Variants in E2F3 observed in about 807,000 individuals in gnomAD.
The protein encoded by E2F3 is E2F transcription factor 3, also known as transcription factor E2F3.
In E2F3, 11 loss-of-function variants were observed where a neutral mutation model predicts 44.4. That is an observed-to-expected ratio of 0.25 (90% CI 0.16 to 0.41). The LOEUF (loss-of-function observed/expected upper bound fraction) is 0.41. E2F3 is among the 10% of genes least tolerant of loss of function. E2F3 has a pLI of 1.00. For synonymous variants in E2F3, 249 were observed against 253.0 expected (o/e 0.98, Z 0.15); for missense variants, 487 against 583.6 (o/e 0.83, Z 1.70).
intron 5 of E2F3, among the ~76,000 whole-genome samples, chr6:20,487,902 A>G (rs1173659357): frequency 6.6e-6 from 1 of 152,214 alleles, no homozygotes; most frequent in Non-Finnish European, 1.5e-5. Context: ...CTTTATTTAC[A>G]AAGCCACTTG....
intron 1 of E2F3, among the ~76,000 whole-genome samples, chr6:20,453,638 C>T (rs1312101828): frequency 6.6e-6 from 1 of 152,102 alleles, no homozygotes; most frequent in African/African-American, 2.4e-5. Flanking sequence ...TCTCTAACTC[C>T]TGGGCTCGGG....
At chr6:20,456,999 T>C (rs1267333636) in intron 1 of E2F3, among the ~76,000 whole-genome samples, 1 of 152,134 alleles carries the variant, frequency 6.6e-6, no homozygotes, top group African/African-American at 2.4e-5. Flanking sequence ...GTTTCCAGGC[T>C]TCGAACCAGC....
At chr6:20,403,356 G>T (rs900433694) in intron 1 of E2F3, among the ~76,000 whole-genome samples, 2,066 of 151,970 alleles carry the variant, frequency 0.014, 44 homozygotes, top group African/African-American at 0.046. Context: ...TGGCCCAAGC[G>T]CCCAGGCCTT....
At chr6:20,451,451 C>T (rs1761128174) in intron 1 of E2F3, among the ~76,000 whole-genome samples, 1 of 152,174 alleles carries the variant, frequency 6.6e-6, no homozygotes, top group East Asian at 1.9e-4. Context: ...GCTTAAGGAG[C>T]TTTTGGGCTG....
chr6:20,444,450 T>C (rs1161261623), intron 1 of E2F3, among the ~76,000 whole-genome samples: 2 of 152,192 alleles, frequency 1.3e-5, no homozygotes, highest in South Asian at 2.1e-4. Context: ...AAATGAAAGA[T>C]TTGTCTACTT....
chr6:20,450,920 C>T (rs183970660), intron 1 of E2F3, among the ~76,000 whole-genome samples: 1 of 152,086 alleles, frequency 6.6e-6, no homozygotes, highest in Non-Finnish European at 1.5e-5. Context: ...TCAGGTTTGT[C>T]GAAGATCATA....
chr6:20,487,009 G>C (rs1762415878), intron 5 of E2F3, among the ~76,000 whole-genome samples: 1 of 152,184 alleles, frequency 6.6e-6, no homozygotes, highest in Admixed American at 6.5e-5. Context: ...TGACCTAGCA[G>C]GATGTTCAGT....
intron 1 of E2F3, among the ~76,000 whole-genome samples, chr6:20,462,871 T>C (rs1761567918): frequency 2.1e-5 from 2 of 94,654 alleles, no homozygotes; most frequent in African/African-American, 4.8e-5. Flanking sequence ...TTTTTTTTTT[T>C]TTTTTTTTTT....
rs935183349 is a variant in E2F3 at position 20,404,148 on chromosome 6, G to A, written c.393+1523G>A. On this transcript the variant is annotated intron_variant, in intron 1 of 6. Transcript: ENST00000346618. ...CTCGCCAATGGCCGAGTTGAGCTCT[G>A]TTTTCTGTCTTCCTTCCCTTGTGCT... is the stretch of plus-strand genomic sequence containing the variant. 6.4e-5 allele frequency among the ~76,000 whole-genome samples: 8 copies of A among 125,672 alleles called. No homozygotes were observed. In the East Asian group the frequency reaches 2.1e-3, roughly 32 times the overall value. The allele number at this position is 125,672 out of a possible 152,430, so 82.4% of individuals were successfully genotyped here.
intron 1 of E2F3, among the ~76,000 whole-genome samples, chr6:20,417,637 T>A (rs1043613531): frequency 1.3e-5 from 2 of 151,818 alleles, no homozygotes; most frequent in African/African-American, 4.8e-5. Context: ...TACTTTTATT[T>A]CTGCACTAGC....
At position 20,415,053 on chromosome 6, in the gene E2F3, A is replaced by G. The variant is rs552139315; in HGVS notation, c.393+12428A>G. Among the ~76,000 whole-genome samples, 4 of 152,338 alleles carry G rather than the reference A, an allele frequency of 2.6e-5. 1 individual carries two copies. The South Asian group carries it at 8.3e-4, about 32-fold the overall frequency. ...CTCCCCGTGGTAGGAACTCTTGAGT[A>G]CTTGTCAAATCTGAACTCTCGGCAT... On this transcript the variant is annotated intron_variant, in intron 1 of 6. Coordinates refer to ENST00000346618, the MANE Select transcript of E2F3 (RefSeq NM_001949.5).
intron 1 of E2F3, among the ~76,000 whole-genome samples, chr6:20,405,444 T>A (rs1759462684): frequency 6.7e-6 from 1 of 149,770 alleles, no homozygotes; most frequent in African/African-American, 2.5e-5. Context: ...CCTCCCGAGT[T>A]CAAGCATTCT....
At chr6:20,404,651 G>T (rs575081880) in intron 1 of E2F3, among the ~76,000 whole-genome samples, 1 of 152,290 alleles carries the variant, frequency 6.6e-6, no homozygotes, top group East Asian at 1.9e-4. Flanking sequence ...CCCCGGGTTC[G>T]GTCTTAACTG....
intron 2 of E2F3, 41 bp from the exon 3 acceptor site, chr6:20,481,165 C>T (rs755037452): frequency 8.8e-6 from 14 of 1,584,528 alleles, no homozygotes; most frequent in Non-Finnish European, 1.2e-5. Flanking sequence ...CTTTACCTTT[C>T]CCCCTATCCC....
rs1762408579 is a variant in E2F3, at chr6:20,486,819, C to G, written c.999+16C>G. 6.7e-7 allele frequency: 1 copy of G among 1,497,924 alleles called. No homozygotes were observed. The highest frequency in any genetic ancestry group is 1.9e-5 in the Admixed American group (1 of 53,456). 92.8% of individuals were successfully genotyped at this position (1,497,924 alleles called of 1,614,324 possible). The stretch of plus-strand genomic sequence containing the variant: ...CTCAATAGAGGTAAGGAGACAGCGT[C>G]TTTGTTCATCTGCAAAGATCTTTGT... On this transcript the variant is annotated intron_variant, in intron 5 of 6. Transcript: ENST00000346618.
At chr6:20,418,907 T>C (rs1327425208) in intron 1 of E2F3, among the ~76,000 whole-genome samples, 2 of 152,092 alleles carry the variant, frequency 1.3e-5, no homozygotes, top group African/African-American at 4.8e-5. Context: ...ATAAAAAATA[T>C]ATAAGGAAGT....
chr6:20,410,794 G>T (rs1255394714), intron 1 of E2F3, among the ~76,000 whole-genome samples: 1 of 152,112 alleles, frequency 6.6e-6, no homozygotes, highest in African/African-American at 2.4e-5. Context: ...AATTTTATTT[G>T]TATTTTTAGT....
intron 1 of E2F3, among the ~76,000 whole-genome samples, chr6:20,475,184 T>G (rs1372162658): frequency 2.6e-5 from 4 of 152,246 alleles, no homozygotes; most frequent in Non-Finnish European, 5.9e-5. Context: ...GCCTTGCAAT[T>G]TTAGTAGCTT....
chr6:20,402,704 G>A lies in E2F3; in HGVS notation c.393+79G>A, dbSNP rs923480058. On this transcript the variant is annotated intron_variant, in intron 1 of 6. Transcript: ENST00000346618. This position sits in a 1 kb window ranked among gnomAD's most constrained non-coding sequence, Gnocchi z 5.6. ...CGCGCGGGGTCGTGGGCGCGCTGCG[G>A]GCCGCTCGGGGAGAGCACTGGGCCG... is the stretch of plus-strand genomic sequence containing the variant. The A allele has an allele frequency of 4.8e-5, 61 of 1,271,798 alleles. No individual in the cohort carries two copies. The highest frequency in any genetic ancestry group is 6.2e-5 in the African/African-American group (4 of 64,052). The allele number at this position is 1,271,798 out of a possible 1,614,324, so 78.8% of individuals were successfully genotyped here. A position where few individuals can be genotyped will look rare whatever the true frequency, so the allele number is the denominator to read the frequency against.
Sources: gnomAD v4.1 joint callset for allele counts (sites outside exome capture counted in the v4.1 genomes callset) on GRCh38, gnomAD v4.1.1 for gene constraint, Gnocchi (gnomAD v3.1) non-coding constraint, MANE v1.5 for transcripts, NCBI Gene and HGNC (gene_info 2026-07-23, HGNC 2026-07-21) for gene names.